The following SH3BP5 variants were observed in gnomAD, a reference collection of about 807,000 sequenced individuals.
SH3BP5 encodes SH3 domain binding protein 5.
In SH3BP5, 22 loss-of-function variants were observed where a neutral mutation model predicts 43.3. The observed-to-expected ratio is 0.51, with a 90% CI of 0.36 to 0.73. SH3BP5 has a LOEUF of 0.73. Among genes scored for constraint, SH3BP5 ranks in the 30% least tolerant of loss-of-function variants. The pLI is 0.00. For synonymous variants in SH3BP5, 255 were observed against 225.8 expected, an observed-to-expected ratio of 1.13 and a Z score of -1.16; for missense variants, 529 against 586.9, an observed-to-expected ratio of 0.90 and a Z score of 1.02.
chr3:15,257,291 G>A, intron 7 of SH3BP5, 178 bp from the exon 8 acceptor site: 1 of 559,824 alleles, frequency 1.8e-6, no homozygotes, highest in East Asian at 2.8e-5. Flanking sequence ...TAAAGCAGCT[G>A]GAAGGGAAGC....
rs559545639 is a variant in SH3BP5, at chr3:15,271,258, T to C, written c.331-1381A>G. ...CCGAGCATGGTGGCACATGGCTGTATTCCCCACTCCTTGGGAGCTTGAGGC... is the reference window on the plus strand; with the variant it reads ...CCGAGCATGGTGGCACATGGCTGTACTCCCCACTCCTTGGGAGCTTGAGGC... On this transcript the variant is annotated intron_variant, in intron 3 of 8. Coordinates refer to ENST00000383791, the MANE Select transcript of SH3BP5 (RefSeq NM_004844.5). 2.4e-4 allele frequency among the ~76,000 whole-genome samples: 36 copies of C among 152,146 alleles called. 1 individual carries two copies. In the South Asian group the frequency reaches 7.3e-3, roughly 31 times the overall value.
intron 4 of SH3BP5, among the ~76,000 whole-genome samples, chr3:15,267,443 C>T (rs1696675863): frequency 6.6e-6 from 1 of 152,188 alleles, no homozygotes; most frequent in African/African-American, 2.4e-5. Flanking sequence ...GCATTTCCAG[C>T]CTATGCAACT....
chr3:15,262,224 G>A lies in SH3BP5; in HGVS notation c.561C>T (p.Tyr187=). 6.2e-7 allele frequency: 1 copy of A among 1,614,158 alleles called. No homozygotes were observed. Among genetic ancestry groups the A allele is most frequent in the Non-Finnish European group, 8.5e-7 (1 of 1,180,010 alleles). The part of the protein sequence containing the change: ...ELVHKETAAR[Y]NAAMGRMRQL... ...GTCGCATGCGGCCCATGGCGGCATT[G>A]TACCTGGCTGCCGTCTCCTTATGCA... The change falls in exon 5 of 9, where the codon TAC becomes TAT. Residue 187 remains tyrosine, a synonymous_variant. Coordinates refer to ENST00000383791, the MANE Select transcript of SH3BP5 (RefSeq NM_004844.5).
Position 15,304,172 on chromosome 3 carries a change from C to T in SH3BP5, c.261G>A (p.Leu87=). ...LVEATVKLDE[L]VKKIGKAVED... is the part of the protein sequence containing the mutation. ...CCACAGCTTTGCCAATTTTCTTCAC[C>T]AGTTCATCCAGTTTCACCGTTGCTT... Residue 87 remains leucine, a synonymous_variant, in exon 3 of 9, where the codon CTG becomes CTA. Transcript: ENST00000383791. 6.2e-7 allele frequency: 1 copy of T among 1,614,194 alleles called. No individual in the cohort carries two copies.
chr3:15,328,454 TA>T (rs1370630961), intron 2 of SH3BP5, among the ~76,000 whole-genome samples: 1 of 149,128 alleles, frequency 6.7e-6, no homozygotes, highest in Non-Finnish European at 1.5e-5. Context: ...CCAGGATGGG[TA>T]TGGCAACTCA....
At chr3:15,293,352 C>A (rs113439747) in intron 3 of SH3BP5, among the ~76,000 whole-genome samples, 3,075 of 152,328 alleles carry the variant, frequency 0.02, 99 homozygotes, top group African/African-American at 0.071. Flanking sequence ...GCAAGAACTG[C>A]CCCCAGGCAG....
chr3:15,257,350 A>G, intron 7 of SH3BP5: 1 of 488,468 alleles, frequency 2.0e-6, no homozygotes, highest in Non-Finnish European at 3.7e-6. Flanking sequence ...CAATAACCTT[A>G]TAACCCTGCC....
At chr3:15,262,876 T>C (rs1263934084) in intron 4 of SH3BP5, among the ~76,000 whole-genome samples, 1 of 151,956 alleles carries the variant, frequency 6.6e-6, no homozygotes, top group Non-Finnish European at 1.5e-5. Flanking sequence ...GAGAATCACC[T>C]GAACCCAGGA....
At chr3:15,309,361 G>A (rs1015914159) in intron 2 of SH3BP5, among the ~76,000 whole-genome samples, 2 of 151,736 alleles carry the variant, frequency 1.3e-5, no homozygotes, top group Admixed American at 6.6e-5. Flanking sequence ...CCAAAAGGCC[G>A]AGAATCGATG....
intron 3 of SH3BP5, among the ~76,000 whole-genome samples, chr3:15,301,375 T>A (rs1356947767): frequency 6.6e-6 from 1 of 152,180 alleles, no homozygotes; most frequent in African/African-American, 2.4e-5. Flanking sequence ...AGTTTGTTCA[T>A]TTATTGATTT....
intron 3 of SH3BP5, among the ~76,000 whole-genome samples, chr3:15,279,214 A>G (rs925698206): frequency 6.6e-6 from 1 of 152,142 alleles, no homozygotes; most frequent in Non-Finnish European, 1.5e-5. Context: ...AATTTGTCAA[A>G]CATAGGGGAC....
At chr3:15,291,804 A>G (rs1697420520) in intron 3 of SH3BP5, among the ~76,000 whole-genome samples, 1 of 152,196 alleles carries the variant, frequency 6.6e-6, no homozygotes, top group African/African-American at 2.4e-5. Flanking sequence ...AGCCCCAGAG[A>G]CCATAAATCT....
At chr3:15,315,734 T>A (rs540443554) in intron 2 of SH3BP5, among the ~76,000 whole-genome samples, 24 of 152,334 alleles carry the variant, frequency 1.6e-4, no homozygotes, top group African/African-American at 5.8e-4. Context: ...GCAGCCCTCC[T>A]TTCAATCCTT....
At chr3:15,325,172 A>G (rs1405029318) in intron 2 of SH3BP5, among the ~76,000 whole-genome samples, 5 of 152,242 alleles carry the variant, frequency 3.3e-5, no homozygotes, top group Admixed American at 3.3e-4. Flanking sequence ...TATTCTGATT[A>G]GACTTAGAAA....
At chr3:15,259,404 T>C (rs1316112426) in intron 6 of SH3BP5, 2 of 512,698 alleles carry the variant, frequency 3.9e-6, no homozygotes, top group South Asian at 2.1e-5. Context: ...CAAAATCCCC[T>C]TGGGTGTTAA....
intron 5 of SH3BP5, 67 bp downstream of exon 5, chr3:15,262,092 C>A: frequency 1.3e-6 from 2 of 1,589,612 alleles, no homozygotes; most frequent in Non-Finnish European, 1.7e-6. Context: ...GTGTGACATA[C>A]AAAAGGCTGA....
intron 3 of SH3BP5, chr3:15,273,100 A>G: frequency 1.0e-6 from 1 of 983,286 alleles, no homozygotes; most frequent in Non-Finnish European, 1.2e-6. Flanking sequence ...CCCTACCCAT[A>G]GGTGGCCTCT....
At chr3:15,329,128 C>T (rs542483162) in intron 2 of SH3BP5, among the ~76,000 whole-genome samples, 28 of 150,362 alleles carry the variant, frequency 1.9e-4, no homozygotes, top group African/African-American at 2.9e-4. Flanking sequence ...CCAGCCTGGG[C>T]GACAGAGTAA....
In SH3BP5 at chr3:15,255,982, A is replaced by G. The variant is rs1330264160; in HGVS notation, c.*104T>C. 5.3e-6 allele frequency: 5 copies of G among 948,456 alleles called. No homozygotes were observed. The highest frequency in any genetic ancestry group is 8.2e-6 in the Non-Finnish European group (5 of 609,484). The allele number at this position is 948,456 out of a possible 1,614,324, so 58.8% of individuals were successfully genotyped here. A position where few individuals can be genotyped will look rare whatever the true frequency, so the allele number is the denominator to read the frequency against. The stretch of plus-strand genomic sequence containing the variant: ...CTGAAACTTCATTAGAGCAGTTTAG[A>G]GTAGACGTGTAAGATTTGGCATATA... On this transcript the variant is annotated 3_prime_UTR_variant, in exon 9 of 9. Coordinates refer to ENST00000383791, the MANE Select transcript of SH3BP5 (RefSeq NM_004844.5).
Sources: allele counts gnomAD v4.1 joint callset (sites outside exome capture counted in the v4.1 genomes callset), GRCh38; gene constraint gnomAD v4.1.1; transcripts MANE v1.5; gene names NCBI Gene and HGNC (gene_info 2026-07-23, HGNC 2026-07-21).